Variants in CFAP95 observed in about 807,000 individuals in gnomAD.
CFAP95 encodes the protein cilia and flagella associated protein 95, also known as cilia- and flagella-associated protein 95.
At chr9:69,830,756 T>C in the CFAP95 span, among the ~76,000 whole-genome samples, 1 of 152,218 alleles carries the variant, frequency 6.6e-6, no homozygotes, top group Non-Finnish European at 1.5e-5. Flanking sequence ...CAAGTGATTC[T>C]CCTGCCCCAG....
At chr9:69,897,018 T>C in the CFAP95 span, among the ~76,000 whole-genome samples, 3 of 152,178 alleles carry the variant, frequency 2.0e-5, no homozygotes, top group African/African-American at 4.8e-5. Flanking sequence ...GGTTTGACTG[T>C]GGGGTAATTC....
the CFAP95 span, among the ~76,000 whole-genome samples, chr9:69,836,635 T>A: frequency 1.3e-5 from 2 of 150,632 alleles, no homozygotes; most frequent in Non-Finnish European, 3.0e-5. Flanking sequence ...GAATAAAAAG[T>A]ATCCAAATTC....
chr9:69,893,096 A>T, the CFAP95 span, among the ~76,000 whole-genome samples: 1 of 152,210 alleles, frequency 6.6e-6, no homozygotes, highest in African/African-American at 2.4e-5. Flanking sequence ...TGGCAAAGCT[A>T]AGACAGTACA....
At chr9:69,871,336 T>C in the CFAP95 span, among the ~76,000 whole-genome samples, 1 of 152,168 alleles carries the variant, frequency 6.6e-6, no homozygotes, top group Non-Finnish European at 1.5e-5. Flanking sequence ...GAGAGAAATA[T>C]TGGGGCTAAG....
chr9:69,841,313 G>T, the CFAP95 span, among the ~76,000 whole-genome samples: 1 of 151,326 alleles, frequency 6.6e-6, no homozygotes, highest in South Asian at 2.1e-4. Context: ...TCACTGGTAT[G>T]TTTCCCCTTC....
At chr9:69,896,629 T>A in the CFAP95 span, among the ~76,000 whole-genome samples, 1 of 152,216 alleles carries the variant, frequency 6.6e-6, no homozygotes, top group East Asian at 1.9e-4. Flanking sequence ...ACTTCTTAAA[T>A]ACATAAGAAT....
chr9:69,898,627 G>A, the CFAP95 span, among the ~76,000 whole-genome samples: 1 of 152,068 alleles, frequency 6.6e-6, no homozygotes, highest in Admixed American at 6.6e-5. Context: ...CTGTGGTACA[G>A]TTTTCAATTT....
chr9:69,825,832 T>C, the CFAP95 span, among the ~76,000 whole-genome samples: 1 of 152,206 alleles, frequency 6.6e-6, no homozygotes, highest in Non-Finnish European at 1.5e-5. Context: ...CAAGTGATAA[T>C]AATTTAAAGC....
chr9:69,845,741 C>G, the CFAP95 span, among the ~76,000 whole-genome samples: 1 of 152,114 alleles, frequency 6.6e-6, no homozygotes, highest in Non-Finnish European at 1.5e-5. Flanking sequence ...CAAGGCATCC[C>G]CATCGCCACC....
At chr9:69,822,660 A>G in the CFAP95 span, among the ~76,000 whole-genome samples, 1 of 152,244 alleles carries the variant, frequency 6.6e-6, no homozygotes, top group Non-Finnish European at 1.5e-5. Context: ...TCTCTGCTGC[A>G]CCACTATTAC....
At chr9:69,849,994 TG>T in the CFAP95 span, among the ~76,000 whole-genome samples, 1 of 152,160 alleles carries the variant, frequency 6.6e-6, no homozygotes, top group African/African-American at 2.4e-5. Flanking sequence ...TGCTTCAACT[TG>T]TAAAGCCTTT....
the CFAP95 span, among the ~76,000 whole-genome samples, chr9:69,838,541 G>A: frequency 3.3e-5 from 5 of 151,582 alleles, no homozygotes; most frequent in East Asian, 2.0e-4. Flanking sequence ...TTTGTCTGTT[G>A]TTGGTGTATA....
chr9:69,831,989 G>A, the CFAP95 span, among the ~76,000 whole-genome samples: 1 of 152,134 alleles, frequency 6.6e-6, no homozygotes, highest in African/African-American at 2.4e-5. Flanking sequence ...GGTGAAAACA[G>A]CAGAACTAAC....
At chr9:69,903,979 C>T in the CFAP95 span, among the ~76,000 whole-genome samples, 2 of 152,210 alleles carry the variant, frequency 1.3e-5, no homozygotes, top group South Asian at 2.1e-4. Flanking sequence ...ACACCTTGGC[C>T]TTCCAAAGTG....
At chr9:69,877,151 A>G in the CFAP95 span, among the ~76,000 whole-genome samples, 4 of 152,334 alleles carry the variant, frequency 2.6e-5, no homozygotes, top group Admixed American at 6.5e-5. Context: ...TAATATTTTT[A>G]TAAGACTAAA....
the CFAP95 span, among the ~76,000 whole-genome samples, chr9:69,903,566 G>T: frequency 6.6e-6 from 1 of 152,182 alleles, no homozygotes; most frequent in African/African-American, 2.4e-5. Flanking sequence ...GTTAGCCTTA[G>T]TGGGAGTATT....
chr9:69,882,187 G>A, the CFAP95 span, among the ~76,000 whole-genome samples: 495 of 152,052 alleles, frequency 3.3e-3, 5 homozygotes, highest in African/African-American at 0.011. Context: ...TCACCATGTT[G>A]CCCAGGCTGG....
chr9:69,876,166 A>T, the CFAP95 span, among the ~76,000 whole-genome samples: 2 of 152,200 alleles, frequency 1.3e-5, no homozygotes, highest in Non-Finnish European at 2.9e-5. Flanking sequence ...AATTTTTATC[A>T]ATCTAATAGA....
chr9:69,887,520 C>G, the CFAP95 span, among the ~76,000 whole-genome samples: 2 of 152,136 alleles, frequency 1.3e-5, no homozygotes, highest in Admixed American at 1.3e-4. Context: ...AAGACAATAG[C>G]TTTCCTTCAC....
Sources: gnomAD v4.1 joint callset for allele counts (sites outside exome capture counted in the v4.1 genomes callset) on GRCh38, gnomAD v4.1.1 for gene constraint, MANE v1.5 for transcripts, NCBI Gene and HGNC (gene_info 2026-07-23, HGNC 2026-07-21) for gene names.